RYR2: variants seen among roughly 807,000 people sequenced by gnomAD.
RYR2 encodes cardiac muscle ryanodine receptor-calcium release channel.
RYR2 carries 227 observed loss-of-function variants against 601.1 expected under a neutral mutation model. The observed-to-expected ratio is 0.38, with a 90% CI of 0.34 to 0.42. The LOEUF is 0.42. RYR2 is among the 10% of genes least tolerant of loss of function. RYR2 has a pLI of 1.00. For synonymous variants in RYR2, 2,223 were observed against 2,175.1 expected, an observed-to-expected ratio of 1.02 and a Z score of -0.61; for missense variants, 4,646 against 6,156.5, an observed-to-expected ratio of 0.75 and a Z score of 8.21.
At chr1:237,072,162 G>A (rs753888798) in intron 1 of RYR2, among the ~76,000 whole-genome samples, 9 of 152,174 alleles carry the variant, frequency 5.9e-5, no homozygotes, top group Admixed American at 4.6e-4. Context: ...GGGCACGGGG[G>A]TCCTGCTTGT....
At chr1:237,280,999 G>C (rs1482168209) in intron 2 of RYR2, among the ~76,000 whole-genome samples, 1 of 151,978 alleles carries the variant, frequency 6.6e-6, no homozygotes, top group Non-Finnish European at 1.5e-5. Context: ...TGGCCAAGCT[G>C]GTCTCGAACT....
chr1:237,248,759 ATT>A (rs34881922), intron 1 of RYR2, among the ~76,000 whole-genome samples: 9,469 of 119,936 alleles, frequency 0.079, 813 homozygotes, highest in African/African-American at 0.24. Context: ...ATGAATGTAC[ATT>A]TTTTTTTTTT....
intron 1 of RYR2, among the ~76,000 whole-genome samples, chr1:237,115,899 ATTGT>A (rs1388295813): frequency 6.6e-6 from 1 of 152,178 alleles, no homozygotes; most frequent in Non-Finnish European, 1.5e-5. Context: ...GTCTTAGTGG[ATTGT>A]TTAATTCCTT....
chr1:237,552,046 T>A (rs1176702729), intron 27 of RYR2, among the ~76,000 whole-genome samples: 2 of 152,190 alleles, frequency 1.3e-5, no homozygotes, highest in African/African-American at 4.8e-5. Context: ...TTATATTTGC[T>A]GCAAATTAAA....
chr1:237,680,432 C>T (rs1463332167), intron 61 of RYR2, 24 bp from the exon 62 acceptor site: 8 of 1,603,062 alleles, frequency 5.0e-6, no homozygotes, highest in Non-Finnish European at 6.8e-6. Context: ...CTACGTAGAT[C>T]TGTCTTCTTT....
At chr1:237,595,223 G>A (rs1258367327) in intron 33 of RYR2, among the ~76,000 whole-genome samples, 1 of 152,008 alleles carries the variant, frequency 6.6e-6, no homozygotes, top group African/African-American at 2.4e-5. Flanking sequence ...TTGAGTTTTT[G>A]GAGAGAAGGT....
chr1:237,177,560 A>G (rs527779770), intron 1 of RYR2, among the ~76,000 whole-genome samples: 2 of 152,268 alleles, frequency 1.3e-5, no homozygotes, highest in Non-Finnish European at 2.9e-5. Flanking sequence ...TATGTATTCT[A>G]TTGCAACCTG....
chr1:237,042,534 G>A lies in RYR2; in HGVS notation c.13G>A (p.Gly5Ser). 1 of 1,258,708 alleles carries A rather than the reference G, an allele frequency of 7.9e-7. No homozygotes were observed. 78.0% of individuals were successfully genotyped at this position (1,258,708 alleles called of 1,614,324 possible). A position where few individuals can be genotyped will look rare whatever the true frequency, so the allele number is the denominator to read the frequency against. ...GAGGCGCGGAACCATGGCCGATGGG[G>A]GCGAGGGCGAAGACGAGATCCAGTT... MADG[G>S]EGEDEIQFLR... Residue 5 changes from glycine to serine, a missense_variant, in exon 1 of 105, where the codon GGC (glycine) becomes AGC (serine). Gly to Ser is a moderately conservative substitution (Grantham distance 56). Coordinates refer to ENST00000366574, the MANE Select transcript of RYR2 (RefSeq NM_001035.3).
In RYR2 at chr1:237,772,109, C is replaced by T; in HGVS notation, c.11646+9C>T. ...ACCTACTGAGAGTTCAGGTATGTTGCTTTCCATATTAGTAACAAATTAAAA... is the reference window on the plus strand; with the variant it reads ...ACCTACTGAGAGTTCAGGTATGTTGTTTTCCATATTAGTAACAAATTAAAA... On this transcript the variant is annotated intron_variant, in intron 86 of 104. Coordinates refer to ENST00000366574, the MANE Select transcript of RYR2 (RefSeq NM_001035.3). 7.1e-7 allele frequency: 1 copy of T among 1,405,344 alleles called. No individual in the cohort carries two copies. The highest frequency in any genetic ancestry group is 1.4e-5 in the African/African-American group (1 of 70,360). The allele number at this position is 1,405,344 out of a possible 1,614,324, so 87.1% of individuals were successfully genotyped here.
intron 8 of RYR2, among the ~76,000 whole-genome samples, chr1:237,381,710 G>T (rs1701535236): frequency 6.6e-6 from 1 of 152,186 alleles, no homozygotes; most frequent in Non-Finnish European, 1.5e-5. Context: ...GGATACTGTG[G>T]ACAGCACCTG....
intron 48 of RYR2, among the ~76,000 whole-genome samples, chr1:237,645,638 C>G (rs1165005688): frequency 6.6e-6 from 1 of 152,170 alleles, no homozygotes; most frequent in African/African-American, 2.4e-5. Context: ...CCAGGTACCT[C>G]CTCGTTTCCT....
At chr1:237,613,296 C>G (rs2148588810) in intron 36 of RYR2, among the ~76,000 whole-genome samples, 1 of 152,242 alleles carries the variant, frequency 6.6e-6, no homozygotes, top group East Asian at 1.9e-4. Context: ...TTTACTCCCT[C>G]AATTGAATAT....
At chr1:237,708,763 G>T in intron 68 of RYR2, 95 bp from the exon 69 acceptor site, 1 of 1,128,356 alleles carries the variant, frequency 8.9e-7, no homozygotes, top group Admixed American at 2.2e-5. Context: ...TGCTGGAGAA[G>T]GAGGCTTTAA....
At chr1:237,570,162 G>A (rs889192521) in intron 29 of RYR2, among the ~76,000 whole-genome samples, 2 of 149,650 alleles carry the variant, frequency 1.3e-5, no homozygotes, top group African/African-American at 4.9e-5. Flanking sequence ...AGGTTGCAGT[G>A]AGCAGAGATC....
chr1:237,510,634 TCA>T (rs1385662319), intron 23 of RYR2, among the ~76,000 whole-genome samples: 1 of 152,146 alleles, frequency 6.6e-6, no homozygotes, highest in African/African-American at 2.4e-5. Flanking sequence ...AAAAAAAAGC[TCA>T]CTCATGTTTC....
chr1:237,203,897 T>C (rs1158007286), intron 1 of RYR2, among the ~76,000 whole-genome samples: 1 of 152,196 alleles, frequency 6.6e-6, no homozygotes, highest in African/African-American at 2.4e-5. Flanking sequence ...CCTCTCACCA[T>C]AGATTAGTTT....
At chr1:237,160,160 A>AAGG (rs1334556426) in intron 1 of RYR2, among the ~76,000 whole-genome samples, 1 of 152,222 alleles carries the variant, frequency 6.6e-6, no homozygotes, top group Non-Finnish European at 1.5e-5. Flanking sequence ...AATATTGAAG[A>AAGG]AGGGTATCTT....
At chr1:237,635,076 G>T in intron 44 of RYR2, 84 bp downstream of exon 44, 1 of 1,081,476 alleles carries the variant, frequency 9.2e-7, no homozygotes, top group South Asian at 2.1e-5. Context: ...AGTAAGGTTG[G>T]TGCAGAAGTC....
chr1:237,683,291 G>A (rs975830914), intron 62 of RYR2, among the ~76,000 whole-genome samples: 22 of 152,304 alleles, frequency 1.4e-4, no homozygotes, highest in African/African-American at 5.3e-4. Flanking sequence ...TCCATGAGAT[G>A]TTTAGATACT....
Sources: gnomAD v4.1 joint callset for allele counts (sites outside exome capture counted in the v4.1 genomes callset) on GRCh38, gnomAD v4.1.1 for gene constraint, MANE v1.5 for transcripts, NCBI Gene and HGNC (gene_info 2026-07-23, HGNC 2026-07-21) for gene names.